MAP3K20: variants seen among roughly 807,000 people sequenced by gnomAD.
MAP3K20 encodes the protein mitogen-activated protein kinase kinase kinase 20, also known as HCCS-4.
In MAP3K20, 40 loss-of-function variants were observed where a neutral mutation model predicts 85.7. The observed-to-expected ratio is 0.47, with a 90% CI of 0.36 to 0.61. The LOEUF is 0.61. Ranked by LOEUF, MAP3K20 falls within the 20% of genes least tolerant of loss-of-function variation. The pLI, the probability that MAP3K20 is intolerant of heterozygous loss-of-function variation, is 0.00. For synonymous variants in MAP3K20, 325 were observed against 327.7 expected, an observed-to-expected ratio of 0.99 and a Z score of 0.09; for missense variants, 817 against 961.7, an observed-to-expected ratio of 0.85 and a Z score of 1.99.
At chr2:173,249,383 T>C (rs10497400) in intron 16 of MAP3K20, among the ~76,000 whole-genome samples, 14,737 of 152,216 alleles carry the variant, frequency 0.097, 1,500 homozygotes, top group East Asian at 0.55. Context: ...AAAAGCACTA[T>C]GTTGGAAAAT....
intron 2 of MAP3K20, among the ~76,000 whole-genome samples, chr2:173,155,176 G>A (rs1391715513): frequency 6.6e-6 from 1 of 152,136 alleles, no homozygotes; most frequent in East Asian, 1.9e-4. Flanking sequence ...CAGAAAGAAA[G>A]GCGTAGGTGT....
intron 2 of MAP3K20, among the ~76,000 whole-genome samples, chr2:173,164,766 A>G (rs921732880): frequency 2.6e-5 from 4 of 152,204 alleles, no homozygotes; most frequent in Non-Finnish European, 4.4e-5. Context: ...AAACTATGAT[A>G]TTTAACTTCT....
chr2:173,097,235 A>G (rs983299602), intron 2 of MAP3K20, among the ~76,000 whole-genome samples: 16 of 152,192 alleles, frequency 1.1e-4, no homozygotes, highest in Admixed American at 7.2e-4. Flanking sequence ...GGGCGCCTGT[A>G]GTTCCAGCTA....
At chr2:173,166,058 G>A (rs1391797493) in intron 2 of MAP3K20, among the ~76,000 whole-genome samples, 2 of 152,126 alleles carry the variant, frequency 1.3e-5, no homozygotes, top group Admixed American at 6.6e-5. Context: ...AAACAGAAAC[G>A]CTGTACCCAT....
chr2:173,114,741 C>A (rs1688069524), intron 2 of MAP3K20, among the ~76,000 whole-genome samples: 2 of 152,198 alleles, frequency 1.3e-5, no homozygotes, highest in Admixed American at 1.3e-4. Context: ...CCAATCTCTT[C>A]TTCTAGCTTG....
intron 1 of MAP3K20, among the ~76,000 whole-genome samples, chr2:173,081,758 CTCCA>C (rs1422541524): frequency 1.3e-5 from 2 of 152,186 alleles, no homozygotes; most frequent in East Asian, 3.9e-4. Context: ...CACTGTGCTT[CTCCA>C]TGATGTTTGG....
intron 7 of MAP3K20, among the ~76,000 whole-genome samples, chr2:173,194,755 T>TA (rs34913602): frequency 0.26 from 34,794 of 136,012 alleles, 4,167 homozygotes; most frequent in Admixed American, 0.29. Context: ...ATAAGACCAT[T>TA]AAAAAAAAGG....
At position 173,256,621 on chromosome 2, in the gene MAP3K20, A is replaced by G. The variant is rs553617291; in HGVS notation, c.1360-2078A>G. Reference sequence around the variant, plus strand: ...GACATGAGTTTATTTTCCTTTGTTTATCCCCAAACGTTTTTATTATTAAAT... The same window carrying G: ...GACATGAGTTTATTTTCCTTTGTTTGTCCCCAAACGTTTTTATTATTAAAT... On this transcript the variant is annotated intron_variant, in intron 16 of 19. Transcript: ENST00000375213. Among the ~76,000 whole-genome samples, 317 of 152,138 alleles carry G rather than the reference A, an allele frequency of 2.1e-3. 6 individuals are homozygous for G. The South Asian group carries it at 0.056, about 27-fold the overall frequency.
chr2:173,225,252 G>A (rs1214593807), intron 11 of MAP3K20: 1 of 531,874 alleles, frequency 1.9e-6, no homozygotes, highest in Non-Finnish European at 2.4e-6. Flanking sequence ...CCAGTGCCAG[G>A]AATAGTAACA....
chr2:173,126,278 G>A (rs1308715422), intron 2 of MAP3K20, among the ~76,000 whole-genome samples: 1 of 152,158 alleles, frequency 6.6e-6, no homozygotes, highest in African/African-American at 2.4e-5. Context: ...CTGACGTTGG[G>A]CAAGAAAGAG....
chr2:173,086,514 A>G (rs144287007), intron 1 of MAP3K20, among the ~76,000 whole-genome samples: 99 of 152,320 alleles, frequency 6.5e-4, no homozygotes, highest in Middle Eastern at 3.4e-3. Context: ...CGGTATTCAG[A>G]TGGAACTTAA....
intron 2 of MAP3K20, among the ~76,000 whole-genome samples, chr2:173,109,383 A>G (rs1261270957): frequency 6.6e-6 from 1 of 152,126 alleles, no homozygotes; most frequent in South Asian, 2.1e-4. Context: ...AGAAATCTGT[A>G]TATGCTCTGT....
At chr2:173,150,412 T>C (rs971186055) in intron 2 of MAP3K20, among the ~76,000 whole-genome samples, 2 of 152,212 alleles carry the variant, frequency 1.3e-5, no homozygotes, top group Non-Finnish European at 2.9e-5. Context: ...CTAGATTCTC[T>C]TTGATTTGTG....
intron 11 of MAP3K20, chr2:173,223,744 TTCTC>T (rs1170615630): frequency 8.1e-6 from 8 of 985,354 alleles, no homozygotes; most frequent in African/African-American, 7.0e-5. Context: ...TGCTACTAGT[TTCTC>T]TGTCTATTCA....
upstream of MAP3K20, chr2:173,075,709 CG>C (rs145628330): frequency 0.59 from 577,330 of 984,300 alleles, 172,097 homozygotes; most frequent in East Asian, 0.87. Flanking sequence ...GGGCGCGGGG[CG>C]GATGGTGCCC....
chr2:173,110,239 A>G (rs58066536), intron 2 of MAP3K20, among the ~76,000 whole-genome samples: 1 of 9,764 alleles, frequency 1.0e-4, no homozygotes, highest in Non-Finnish European at 1.7e-4. Context: ...ATATATATAT[A>G]TATTTTTTTT....
At chr2:173,232,069 A>T in intron 12 of MAP3K20, 123 bp from the exon 13 acceptor site, 2 of 1,193,294 alleles carry the variant, frequency 1.7e-6, no homozygotes, top group Non-Finnish European at 2.4e-6. Context: ...CTTCTATTTT[A>T]CCTTTGTGGT....
intron 2 of MAP3K20, among the ~76,000 whole-genome samples, chr2:173,122,176 C>T (rs1219268772): frequency 6.6e-6 from 1 of 152,244 alleles, no homozygotes; most frequent in Non-Finnish European, 1.5e-5. Flanking sequence ...TTTCTGATTA[C>T]AGACAAAGCG....
At chr2:173,094,915 T>C (rs543444624) in intron 2 of MAP3K20, among the ~76,000 whole-genome samples, 1 of 152,262 alleles carries the variant, frequency 6.6e-6, no homozygotes, top group Admixed American at 6.5e-5. Context: ...GCTAAGTAAA[T>C]ATCTTTCCTC....
Sources: allele counts gnomAD v4.1 joint callset (sites outside exome capture counted in the v4.1 genomes callset), GRCh38; gene constraint gnomAD v4.1.1; transcripts MANE v1.5; gene names NCBI Gene and HGNC (gene_info 2026-07-23, HGNC 2026-07-21).